Variants in RPS6KC1 observed in about 807,000 individuals in gnomAD.
The protein encoded by RPS6KC1 is ribosomal protein S6 kinase C1, also known as inactive ribosomal protein S6 kinase delta-1.
A neutral mutation model predicts 103.8 loss-of-function variants in RPS6KC1; 54 were observed. The observed-to-expected ratio is 0.52, with a 90% CI of 0.42 to 0.65. RPS6KC1 has a LOEUF of 0.65. Among genes scored for constraint, RPS6KC1 ranks in the 30% least tolerant of loss-of-function variants. The probability of loss-of-function intolerance (pLI) is 0.00; values close to 1 mark genes in which losing one functional copy is unlikely to be tolerated. For missense variants in RPS6KC1, 1,151 were observed against 1,253.8 expected, an observed-to-expected ratio of 0.92 and a Z score of 1.24; for synonymous variants, 439 against 438.7, an observed-to-expected ratio of 1.00 and a Z score of -0.01.
At chr1:213,120,767 AATAT>A (rs751554871) in intron 5 of RPS6KC1, among the ~76,000 whole-genome samples, 40 of 152,272 alleles carry the variant, frequency 2.6e-4, no homozygotes, top group Non-Finnish European at 4.7e-4. Context: ...GGTAAATCTT[AATAT>A]ATAGTCTGCT....
the RPS6KC1 span, among the ~76,000 whole-genome samples, chr1:213,664,211 G>T: frequency 1.3e-5 from 2 of 148,860 alleles, no homozygotes; most frequent in Non-Finnish European, 1.5e-5. Flanking sequence ...GGGGTGGGGA[G>T]GGGAGCGCTC....
intron 5 of RPS6KC1, among the ~76,000 whole-genome samples, chr1:213,119,350 G>A (rs1369499057): frequency 6.7e-6 from 1 of 149,166 alleles, no homozygotes; most frequent in Non-Finnish European, 1.5e-5. Flanking sequence ...GGGAGGCTGA[G>A]GCATGAGAAT....
At chr1:213,458,804 G>C in the RPS6KC1 span, among the ~76,000 whole-genome samples, 197 of 152,292 alleles carry the variant, frequency 1.3e-3, no homozygotes, top group African/African-American at 4.4e-3. Flanking sequence ...AGTTTATTGA[G>C]GGTTTGTAGC....
chr1:213,104,158 G>T (rs570563808), intron 3 of RPS6KC1, among the ~76,000 whole-genome samples: 2 of 152,014 alleles, frequency 1.3e-5, no homozygotes, highest in African/African-American at 4.8e-5. Flanking sequence ...CTTTAGTTTC[G>T]AATCACCAGC....
At chr1:213,511,472 A>G in the RPS6KC1 span, among the ~76,000 whole-genome samples, 2 of 152,202 alleles carry the variant, frequency 1.3e-5, no homozygotes, top group Admixed American at 6.5e-5. Flanking sequence ...TGTAAGTATC[A>G]CTTTGGAGTT....
chr1:213,182,917 G>A (rs946989168), intron 8 of RPS6KC1, among the ~76,000 whole-genome samples: 1 of 148,476 alleles, frequency 6.7e-6, no homozygotes, highest in East Asian at 2.0e-4. Flanking sequence ...TATATATCAT[G>A]ATATATATCA....
intron 5 of RPS6KC1, among the ~76,000 whole-genome samples, chr1:213,123,983 CCTGT>C (rs1353571588): frequency 6.6e-6 from 1 of 152,126 alleles, no homozygotes; most frequent in Admixed American, 6.6e-5. Context: ...TCCCCTGGGG[CCTGT>C]CTTTCAGAGA....
At chr1:213,153,120 TCGG>T (rs1163455262) in intron 6 of RPS6KC1, among the ~76,000 whole-genome samples, 5 of 152,232 alleles carry the variant, frequency 3.3e-5, no homozygotes, top group African/African-American at 1.2e-4. Context: ...TCGCAGGCAC[TCGG>T]CAGGCTGAGT....
chr1:213,101,224 T>G (rs2081995088), intron 3 of RPS6KC1, among the ~76,000 whole-genome samples: 2 of 152,224 alleles, frequency 1.3e-5, no homozygotes, highest in African/African-American at 4.8e-5. Context: ...CTTGTATGTC[T>G]TCTTTTGAGA....
At chr1:213,481,765 G>T in the RPS6KC1 span, among the ~76,000 whole-genome samples, 2 of 152,130 alleles carry the variant, frequency 1.3e-5, no homozygotes, top group Non-Finnish European at 2.9e-5. Context: ...CTAAGAATGT[G>T]CTATGATTAT....
intron 5 of RPS6KC1, among the ~76,000 whole-genome samples, chr1:213,119,795 G>A (rs1312372330): frequency 6.6e-6 from 1 of 151,846 alleles, no homozygotes; most frequent in African/African-American, 2.4e-5. Flanking sequence ...TTCTTGGGAT[G>A]GTATTCTAAA....
At chr1:213,395,665 G>GTCTGAT in the RPS6KC1 span, among the ~76,000 whole-genome samples, 1 of 152,314 alleles carries the variant, frequency 6.6e-6, no homozygotes, top group African/African-American at 2.4e-5. Flanking sequence ...CTCTCACCAT[G>GTCTGAT]TCTGATTTCA....
At chr1:213,455,891 A>G in the RPS6KC1 span, among the ~76,000 whole-genome samples, 5 of 152,202 alleles carry the variant, frequency 3.3e-5, no homozygotes, top group African/African-American at 4.8e-5. Context: ...GACATCCATG[A>G]CACTCCACTG....
intron 8 of RPS6KC1, among the ~76,000 whole-genome samples, chr1:213,188,584 A>G (rs1558502869): frequency 1.3e-5 from 2 of 152,078 alleles, no homozygotes; most frequent in South Asian, 2.1e-4. Context: ...TTATATTTCT[A>G]TGTATGAACA....
At chr1:213,344,625 C>T in the RPS6KC1 span, among the ~76,000 whole-genome samples, 1 of 152,132 alleles carries the variant, frequency 6.6e-6, no homozygotes, top group East Asian at 1.9e-4. Flanking sequence ...ACCTCTGCCT[C>T]CCAGGTTCAA....
the RPS6KC1 span, among the ~76,000 whole-genome samples, chr1:213,562,139 A>C: frequency 3.9e-5 from 6 of 152,124 alleles, 1 homozygote; most frequent in Admixed American, 6.5e-5. Flanking sequence ...CTGTCTTGGG[A>C]TGTGTTATGC....
At chr1:213,233,450 A>G (rs2094149885) in intron 10 of RPS6KC1, among the ~76,000 whole-genome samples, 1 of 152,216 alleles carries the variant, frequency 6.6e-6, no homozygotes, top group African/African-American at 2.4e-5. Flanking sequence ...TTGCGTAGTA[A>G]TAATCCATAA....
intron 3 of RPS6KC1, among the ~76,000 whole-genome samples, chr1:213,097,651 G>A (rs1006222691): frequency 2.6e-5 from 4 of 152,150 alleles, no homozygotes; most frequent in Admixed American, 2.6e-4. Context: ...TGAAAGTGTT[G>A]GATAGCATTT....
the RPS6KC1 span, among the ~76,000 whole-genome samples, chr1:213,694,774 A>G: frequency 1.3e-5 from 2 of 152,368 alleles, no homozygotes; most frequent in Admixed American, 1.3e-4. Context: ...AAGGGAATGA[A>G]TGCTGGACAG....
Sources: allele counts gnomAD v4.1 joint callset (sites outside exome capture counted in the v4.1 genomes callset), GRCh38; gene constraint gnomAD v4.1.1; transcripts MANE v1.5; gene names NCBI Gene and HGNC (gene_info 2026-07-23, HGNC 2026-07-21).